The following MS4A4E variants were observed in gnomAD, a reference collection of about 807,000 sequenced individuals.
The protein encoded by MS4A4E is membrane spanning 4-domains A4E.
Under a neutral mutation model 13.3 loss-of-function variants are expected in MS4A4E, and 23 were observed. That is an observed-to-expected ratio of 1.73 (90% CI 1.25 to 2.45). MS4A4E has a LOEUF of 2.45. Among genes scored for constraint, MS4A4E ranks in the 30% most tolerant of loss-of-function variants. MS4A4E has a pLI of 0.00. For missense variants in MS4A4E, 144 were observed against 131.2 expected (o/e 1.10, Z -0.48); for synonymous variants, 36 against 45.6 (o/e 0.79, Z 0.85).
chr11:60,219,966 T>C (rs917928789), intron 3 of MS4A4E, among the ~76,000 whole-genome samples: 8 of 151,932 alleles, frequency 5.3e-5, no homozygotes, highest in Non-Finnish European at 7.4e-5. Context: ...CCAGAATGCA[T>C]AATTGACACA....
At position 60,243,023 on chromosome 11, in the gene MS4A4E, A is replaced by G; in HGVS notation, c.-82T>C. 1.3e-6 allele frequency: 2 copies of G among 1,498,240 alleles called. No individual in the cohort carries two copies. Among genetic ancestry groups the G allele is most frequent in the South Asian group, 1.2e-5 (1 of 81,152 alleles). The allele number at this position is 1,498,240 out of a possible 1,614,324, so 92.8% of individuals were successfully genotyped here. A position where few individuals can be genotyped will look rare whatever the true frequency, so the allele number is the denominator to read the frequency against. On this transcript the variant is annotated 5_prime_UTR_variant, in exon 1 of 9. Coordinates refer to ENST00000651255, the MANE Select transcript of MS4A4E (RefSeq NM_001393391.1). ...TGCAGGGCTCTGGGCAAGTTCCTCA[A>G]AGTTCTTTGTTCCAGACACAGTCAG...
intron 3 of MS4A4E, among the ~76,000 whole-genome samples, chr11:60,216,712 G>A (rs1036917673): frequency 6.6e-6 from 1 of 151,996 alleles, no homozygotes; most frequent in African/African-American, 2.4e-5. Flanking sequence ...CAACTTGATT[G>A]AATTGAAGGA....
At chr11:60,234,124 T>G (rs2134968734) in intron 1 of MS4A4E, among the ~76,000 whole-genome samples, 1 of 152,304 alleles carries the variant, frequency 6.6e-6, no homozygotes, top group African/African-American at 2.4e-5. Flanking sequence ...CACCATTATA[T>G]TTTGGAAACA....
At chr11:60,229,195 C>T (rs928828447) in intron 2 of MS4A4E, among the ~76,000 whole-genome samples, 21 of 152,160 alleles carry the variant, frequency 1.4e-4, no homozygotes, top group South Asian at 6.2e-4. Flanking sequence ...TAAAACTGCT[C>T]TAAAACATAC....
At position 60,201,227 on chromosome 11, in the gene MS4A4E, TGGCCGGGCGGGGGG is replaced by T; in HGVS notation, c.*302_*315del. Reference sequence around the variant, plus strand: ...CCCCTCACCTCCCGGACGGGGCGGCTGGCCGGGCGGGGGGCTGACCCCCCCCACCTCCCTCCCGG... The same window carrying T: ...CCCCTCACCTCCCGGACGGGGCGGCTCTGACCCCCCCCACCTCCCTCCCGG... On this transcript the variant is annotated 3_prime_UTR_variant, in exon 9 of 9. Transcript: ENST00000651255. The T allele has an allele frequency of 7.6e-6, 1 of 130,862 alleles. No individual in the cohort carries two copies. Among genetic ancestry groups the T allele is most frequent in the Non-Finnish European group, 1.6e-5 (1 of 63,020 alleles). 8.1% of individuals were successfully genotyped at this position (130,862 alleles called of 1,614,324 possible).
intron 1 of MS4A4E, among the ~76,000 whole-genome samples, chr11:60,232,321 A>ACACACCCACC (rs556719466): frequency 6.8e-6 from 1 of 147,324 alleles, no homozygotes; most frequent in African/African-American, 2.5e-5. Context: ...ACACACACAC[A>ACACACCCACC]CCAAAAATGA....
Position 60,213,136 on chromosome 11 carries a change from G to A in MS4A4E, c.223-4C>T, listed in dbSNP as rs1323943082. 4 of 729,668 alleles carry A rather than the reference G, an allele frequency of 5.5e-6. No individual in the cohort carries two copies. The highest frequency in any genetic ancestry group is 8.8e-6 in the Non-Finnish European group (4 of 454,966). 45.2% of individuals were successfully genotyped at this position (729,668 alleles called of 1,614,324 possible). On this transcript the variant is annotated splice_region_variant and splice_polypyrimidine_tract_variant and intron_variant, in intron 4 of 8. Coordinates refer to ENST00000651255, the MANE Select transcript of MS4A4E (RefSeq NM_001393391.1). Reference sequence around the variant, plus strand: ...TCTTTCCTAGACTACCTCCAACCTAGAAAGAAATGAAAATTAATTAAGCAA... The same window carrying A: ...TCTTTCCTAGACTACCTCCAACCTAAAAAGAAATGAAAATTAATTAAGCAA...
At chr11:60,241,210 G>C (rs899926434) in intron 1 of MS4A4E, among the ~76,000 whole-genome samples, 1 of 152,130 alleles carries the variant, frequency 6.6e-6, no homozygotes, top group Non-Finnish European at 1.5e-5. Context: ...ATTTTTAGTA[G>C]AGAAGGGATT....
chr11:60,218,093 G>A (rs1011944690), intron 3 of MS4A4E, among the ~76,000 whole-genome samples: 4 of 152,122 alleles, frequency 2.6e-5, no homozygotes, highest in East Asian at 3.8e-4. Context: ...GCCTATAAAT[G>A]GCCCCCCAGA....
At chr11:60,204,987 A>T (rs917851583) in intron 7 of MS4A4E, among the ~76,000 whole-genome samples, 29 bp from the exon 8 acceptor site, 2 of 152,188 alleles carry the variant, frequency 1.3e-5, no homozygotes, top group African/African-American at 4.8e-5. Context: ...TTAGCATTGA[A>T]AGAAGGAGGG....
At chr11:60,209,570 T>G (rs899469672) in intron 5 of MS4A4E, among the ~76,000 whole-genome samples, 2 of 152,202 alleles carry the variant, frequency 1.3e-5, no homozygotes, top group African/African-American at 4.8e-5. Flanking sequence ...CCTAATGATT[T>G]GTAGTAATTT....
intron 1 of MS4A4E, among the ~76,000 whole-genome samples, chr11:60,235,199 G>C (rs763172934): frequency 1.3e-5 from 2 of 152,126 alleles, no homozygotes; most frequent in South Asian, 4.1e-4. Flanking sequence ...ACTCACTGCA[G>C]CCTTGACCTC....
rs35160855 is a variant in MS4A4E, at chr11:60,212,310, CT to C, written c.381+663del. 4.9e-3 allele frequency among the ~76,000 whole-genome samples: 672 copies of C among 137,774 alleles called. 3 individuals carry two copies. The highest frequency in any genetic ancestry group is 0.021 in the South Asian group (89 of 4,336). The allele number at this position is 137,774 out of a possible 152,430, so 90.4% of individuals were successfully genotyped here. ...ATTATTTGAGAATAGGCACTGACAT[CT>C]TTTTTTTTTTTTTTTTGAGACAGAG... is the stretch of plus-strand genomic sequence containing the variant. On this transcript the variant is annotated intron_variant, in intron 5 of 8. Coordinates refer to ENST00000651255, the MANE Select transcript of MS4A4E (RefSeq NM_001393391.1).
chr11:60,242,388 C>T (rs1026557368), intron 1 of MS4A4E, among the ~76,000 whole-genome samples: 1 of 152,154 alleles, frequency 6.6e-6, no homozygotes, highest in Non-Finnish European at 1.5e-5. Flanking sequence ...TCATGAGCAG[C>T]CTCAGTTTAC....
At chr11:60,202,062 G>GC (rs2083996388) in intron 8 of MS4A4E, among the ~76,000 whole-genome samples, 183 bp from the exon 9 acceptor site, 1 of 152,176 alleles carries the variant, frequency 6.6e-6, no homozygotes, top group African/African-American at 2.4e-5. Context: ...AATTGCCAGA[G>GC]CCCTTGCTCT....
chr11:60,221,779 G>A (rs374011437), intron 3 of MS4A4E, among the ~76,000 whole-genome samples: 12 of 152,228 alleles, frequency 7.9e-5, no homozygotes, highest in African/African-American at 2.9e-4. Flanking sequence ...GTATGTGAAT[G>A]GACCTCTCCG....
At chr11:60,234,461 C>A (rs566133997) in intron 1 of MS4A4E, among the ~76,000 whole-genome samples, 2 of 152,252 alleles carry the variant, frequency 1.3e-5, no homozygotes, top group East Asian at 1.9e-4. Context: ...CCTTCATCCT[C>A]GTGAATGGAT....
At chr11:60,206,668 GGTGGCATCAAACT>G (rs1428690675) in intron 6 of MS4A4E, 1 of 228,498 alleles carries the variant, frequency 4.4e-6, no homozygotes, top group African/African-American at 2.3e-5. Flanking sequence ...TTAATCTTTT[GGTGGCATCAAACT>G]GTCTTAAGTG....
Position 60,203,484 on chromosome 11 carries a change from CA to C in MS4A4E, c.659+1405del, listed in dbSNP as rs1160687522. Among the ~76,000 whole-genome samples, 3 of 152,164 alleles carry C rather than the reference CA, an allele frequency of 2.0e-5. No homozygotes were observed. In the East Asian group the frequency reaches 5.8e-4, roughly 29 times the overall value. ...ATTATCTTGGCCAGGTGCAGTGGCT[CA>C]AACCTGTACTCCCAGCACTTTGGGA... On this transcript the variant is annotated intron_variant, in intron 8 of 8. Coordinates refer to ENST00000651255, the MANE Select transcript of MS4A4E (RefSeq NM_001393391.1).
Sources: gnomAD v4.1 joint callset for allele counts (sites outside exome capture counted in the v4.1 genomes callset) on GRCh38, gnomAD v4.1.1 for gene constraint, MANE v1.5 for transcripts, NCBI Gene and HGNC (gene_info 2026-07-23, HGNC 2026-07-21) for gene names.